The following BRMS1 variants were observed in gnomAD, a reference collection of about 807,000 sequenced individuals.
The protein encoded by BRMS1 is breast cancer metastasis-suppressor 1.
A neutral mutation model predicts 40.4 loss-of-function variants in BRMS1; 26 were observed. The ratio of observed to expected loss-of-function variants is 0.64; its 90% CI spans 0.47 to 0.89. The LOEUF (loss-of-function observed/expected upper bound fraction) is 0.89. Among genes scored for constraint, BRMS1 ranks in the 40% least tolerant of loss-of-function variants. The probability of loss-of-function intolerance (pLI) is 0.00; values close to 1 mark genes in which losing one functional copy is unlikely to be tolerated. For synonymous variants in BRMS1, 103 were observed against 116.0 expected, an observed-to-expected ratio of 0.89 and a Z score of 0.72; for missense variants, 289 against 309.4, an observed-to-expected ratio of 0.93 and a Z score of 0.49.
rs1855071869 is a variant in BRMS1, at chr11:66,341,441, C to G, written c.230+92G>C. 9 of 1,601,782 alleles carry G rather than the reference C, an allele frequency of 5.6e-6. No homozygotes were observed. On this transcript the variant is annotated intron_variant, in intron 3 of 9. Coordinates refer to ENST00000359957, the MANE Select transcript of BRMS1 (RefSeq NM_015399.4). The surrounding 1 kb of genome is among the most constrained non-coding windows in gnomAD (Gnocchi z 4.9). Reference sequence around the variant, plus strand: ...CAAGCCCGGTGTTAGGCGCGCACTTCCTGGGCACCAACCACGCCTGCCCAG... The same window carrying G: ...CAAGCCCGGTGTTAGGCGCGCACTTGCTGGGCACCAACCACGCCTGCCCAG...
At chr11:66,342,350 G>T in intron 1 of BRMS1, 109 bp from the exon 2 acceptor site, 1 of 1,437,282 alleles carries the variant, frequency 7.0e-7, no homozygotes, top group Non-Finnish European at 9.5e-7. Flanking sequence ...AGCCAGGGAA[G>T]TAACTGGCCT....
chr11:66,341,387 C>A lies in BRMS1; in HGVS notation c.231-54G>T. On this transcript the variant is annotated intron_variant, in intron 3 of 9. Coordinates refer to ENST00000359957, the MANE Select transcript of BRMS1 (RefSeq NM_015399.4). This position sits in a 1 kb window ranked among gnomAD's most constrained non-coding sequence, Gnocchi z 4.9. ...CATTTGCTCACCCATCGCTCTTGGG[C>A]AAACACATACCCAGCACCCATTCCA... 6.2e-7 allele frequency: 1 copy of A among 1,602,832 alleles called. No homozygotes were observed. The highest frequency in any genetic ancestry group is 8.5e-7 in the Non-Finnish European group (1 of 1,171,700).
In BRMS1 at chr11:66,341,732, G is replaced by T; in HGVS notation, c.140-109C>A. ...GTGTGCATGCATGCCTGTGTGTAGG[G>T]CCTGTGTGTGTGTGCGCGTACATGC... On this transcript the variant is annotated intron_variant, in intron 2 of 9. Transcript: ENST00000359957. The surrounding 1 kb of genome is among the most constrained non-coding windows in gnomAD (Gnocchi z 4.9). 1 of 937,210 alleles carries T rather than the reference G, an allele frequency of 1.1e-6. No homozygotes were observed. Among genetic ancestry groups the T allele is most frequent in the Non-Finnish European group, 1.7e-6 (1 of 575,216 alleles). The allele number at this position is 937,210 out of a possible 1,614,324, so 58.1% of individuals were successfully genotyped here.
At position 66,344,139 on chromosome 11, in the gene BRMS1, T is replaced by C. The variant is rs1855150496; in HGVS notation, c.-8+833A>G. On this transcript the variant is annotated intron_variant, in intron 1 of 9. Transcript: ENST00000359957. ...CCCGCAATCAGTCTATGAGCCTCAC[T>C]AGGGCAGGGGCTGCACATGTAACTT... is the stretch of plus-strand genomic sequence containing the variant. 2.0e-5 allele frequency among the ~76,000 whole-genome samples: 3 copies of C among 152,246 alleles called. No individual in the cohort carries two copies. The South Asian group carries it at 6.2e-4, about 32-fold the overall frequency.
chr11:66,337,852 T>C lies in BRMS1; in HGVS notation c.*30A>G, dbSNP rs1168027194. The C allele has an allele frequency of 6.2e-7, 1 of 1,614,216 alleles. No homozygotes were observed. Among genetic ancestry groups the C allele is most frequent in the Non-Finnish European group, 8.5e-7 (1 of 1,180,020 alleles). On this transcript the variant is annotated 3_prime_UTR_variant, in exon 10 of 10. Transcript: ENST00000359957. ...ATCCTGGGTGCAGTGCCAGCTGCTCTGAGGGTCCCCCTGGCTGTGAACAGC... is the reference window on the plus strand; with the variant it reads ...ATCCTGGGTGCAGTGCCAGCTGCTCCGAGGGTCCCCCTGGCTGTGAACAGC...
intron 6 of BRMS1, 27 bp from the exon 7 acceptor site, chr11:66,340,240 G>A (rs192653592): frequency 5.6e-6 from 9 of 1,598,606 alleles, no homozygotes; most frequent in African/African-American, 5.4e-5. Context: ...AGTTAGAATT[G>A]GGGTGCTGGC....
At chr11:66,338,113 A>C in intron 9 of BRMS1, 130 bp downstream of exon 9, 1 of 1,349,076 alleles carries the variant, frequency 7.4e-7, no homozygotes, top group Non-Finnish European at 1.0e-6. Flanking sequence ...AATCTAGACC[A>C]TCCTAACTTT....
In BRMS1 at chr11:66,340,734, G is replaced by T. The variant is rs971227168; in HGVS notation, c.535+40C>A. Reference sequence around the variant, plus strand: ...CCAAAGAGGGGTGGGCGTGGACTGAGCGGGGCCCAGTTCCGGGGTGCCCAG... The same window carrying T: ...CCAAAGAGGGGTGGGCGTGGACTGATCGGGGCCCAGTTCCGGGGTGCCCAG... On this transcript the variant is annotated intron_variant, in intron 6 of 9. Transcript: ENST00000359957. The T allele has an allele frequency of 3.2e-6, 5 of 1,555,210 alleles. No homozygotes were observed. In the African/African-American group the frequency reaches 4.1e-5, roughly 13 times the overall value.
rs1383669537 is a variant in BRMS1, at chr11:66,341,473, G to A, written c.230+60C>T. The A allele has an allele frequency of 3.7e-6, 6 of 1,603,090 alleles. No homozygotes were observed. The East Asian group carries it at 1.1e-4, about 30-fold the overall frequency. ...ACCAACCACGCCTGCCCAGTACCAG[G>A]CCCACCACCTCCTCATCCCAGATCC... On this transcript the variant is annotated intron_variant, in intron 3 of 9. Coordinates refer to ENST00000359957, the MANE Select transcript of BRMS1 (RefSeq NM_015399.4). This position sits in a 1 kb window ranked among gnomAD's most constrained non-coding sequence, Gnocchi z 4.9.
At position 66,337,690 on chromosome 11, in the gene BRMS1, G is replaced by A. The variant is rs763577751; in HGVS notation, c.*192C>T. ...AGGTCAGCTCCACGGCCACAGCTGT[G>A]CAGGCCTCGAGGAGGGCAGAGGAGG... On this transcript the variant is annotated 3_prime_UTR_variant, in exon 10 of 10. Coordinates refer to ENST00000359957, the MANE Select transcript of BRMS1 (RefSeq NM_015399.4). 21 of 1,587,606 alleles carry A rather than the reference G, an allele frequency of 1.3e-5. No homozygotes were observed. In the African/African-American group the frequency reaches 2.6e-4, roughly 19 times the overall value.
At chr11:66,340,267 T>G in intron 6 of BRMS1, 54 bp from the exon 7 acceptor site, 4 of 1,496,596 alleles carry the variant, frequency 2.7e-6, no homozygotes, top group Non-Finnish European at 3.7e-6. Context: ...GATACTCCCT[T>G]TTCTGTAGCC....
intron 1 of BRMS1, among the ~76,000 whole-genome samples, chr11:66,343,990 G>A (rs1277720291): frequency 6.6e-6 from 1 of 152,184 alleles, no homozygotes; most frequent in Non-Finnish European, 1.5e-5. Flanking sequence ...CCTCCTGCAG[G>A]CTTCTATTTT....
At chr11:66,343,754 G>A (rs762943298) in intron 1 of BRMS1, among the ~76,000 whole-genome samples, 107 of 152,198 alleles carry the variant, frequency 7.0e-4, no homozygotes, top group Non-Finnish European at 1.3e-3. Flanking sequence ...ACAGGAGAAG[G>A]TGCAACCAGC....
At position 66,337,682 on chromosome 11, in the gene BRMS1, A is replaced by G; in HGVS notation, c.*200T>C. 6.3e-7 allele frequency: 1 copy of G among 1,579,874 alleles called. No individual in the cohort carries two copies. The highest frequency in any genetic ancestry group is 8.6e-7 in the Non-Finnish European group (1 of 1,163,888). ...GCCTGGTCAGGTCAGCTCCACGGCC[A>G]CAGCTGTGCAGGCCTCGAGGAGGGC... On this transcript the variant is annotated 3_prime_UTR_variant, in exon 10 of 10. Coordinates refer to ENST00000359957, the MANE Select transcript of BRMS1 (RefSeq NM_015399.4).
rs755865680 is a variant in BRMS1, at chr11:66,341,521, C to T, written c.230+12G>A. ...TCCTCGCAGACCCAGCCCAAGGTGT[C>T]CCCACGCTCACTTCTCCTTTAGCTC... On this transcript the variant is annotated intron_variant, in intron 3 of 9. Transcript: ENST00000359957. The surrounding 1 kb of genome is among the most constrained non-coding windows in gnomAD (Gnocchi z 4.9). The T allele has an allele frequency of 1.9e-5, 30 of 1,613,464 alleles. No homozygotes were observed. Among genetic ancestry groups the T allele is most frequent in the Non-Finnish European group, 2.5e-5 (30 of 1,179,630 alleles).
At chr11:66,338,505 C>G in intron 8 of BRMS1, 3 of 1,531,632 alleles carry the variant, frequency 2.0e-6, no homozygotes, top group Non-Finnish European at 2.6e-6. Flanking sequence ...AAAACCTGCC[C>G]CAGAACGGGA....
rs773849293 is a variant in BRMS1 at position 66,338,704 on chromosome 11, G to C, written c.693+17C>G. On this transcript the variant is annotated intron_variant, in intron 8 of 9. Coordinates refer to ENST00000359957, the MANE Select transcript of BRMS1 (RefSeq NM_015399.4). ...CCCTGAGGTGGGGCAGGTCACGTGG[G>C]CAGCAGCGGCCCCCACCTTTTTGAT... 2 of 1,611,624 alleles carry C rather than the reference G, an allele frequency of 1.2e-6. No homozygotes were observed. The highest frequency in any genetic ancestry group is 1.7e-6 in the Non-Finnish European group (2 of 1,178,400).
rs780291325 is a variant in BRMS1, at chr11:66,341,082, G to A, written c.359-36C>T. On this transcript the variant is annotated intron_variant, in intron 4 of 9. Coordinates refer to ENST00000359957, the MANE Select transcript of BRMS1 (RefSeq NM_015399.4). This position sits in a 1 kb window ranked among gnomAD's most constrained non-coding sequence, Gnocchi z 4.9. The stretch of plus-strand genomic sequence containing the variant: ...AGGGAGGAGGGTCCCTGCTTGGCTG[G>A]GGAGCCCGGTGCCCACATAGGAGGG... 1 of 1,612,740 alleles carries A rather than the reference G, an allele frequency of 6.2e-7. No homozygotes were observed. The highest frequency in any genetic ancestry group is 1.1e-5 in the South Asian group (1 of 91,054).
rs771815779 is a variant in BRMS1 at position 66,340,081 on chromosome 11, C to T, written c.628+40G>A. 2.5e-6 allele frequency: 4 copies of T among 1,579,914 alleles called. No individual in the cohort carries two copies. In the East Asian group the frequency reaches 6.7e-5, roughly 27 times the overall value. On this transcript the variant is annotated intron_variant, in intron 7 of 9. Transcript: ENST00000359957. ...CCCCTGGGTCTGGAGTTGACCCTTA[C>T]ATCCTGCCCACTTTTAGGCCACCTT...
Sources: gnomAD v4.1 joint callset for allele counts (sites outside exome capture counted in the v4.1 genomes callset) on GRCh38, gnomAD v4.1.1 for gene constraint, Gnocchi (gnomAD v3.1) non-coding constraint, MANE v1.5 for transcripts, NCBI Gene and HGNC (gene_info 2026-07-23, HGNC 2026-07-21) for gene names.